ANKRD42: variants seen among roughly 807,000 people sequenced by gnomAD.
ANKRD42 encodes the protein ankyrin repeat domain 42.
In ANKRD42, 43 loss-of-function variants were observed where a neutral mutation model predicts 51.5. The ratio of observed to expected loss-of-function variants is 0.83; its 90% CI spans 0.65 to 1.08. ANKRD42 has a LOEUF of 1.08. Ranked by LOEUF, ANKRD42 falls within the 50% of genes least tolerant of loss-of-function variation. The pLI, the probability that ANKRD42 is intolerant of heterozygous loss-of-function variation, is 0.00. For synonymous variants in ANKRD42, 203 were observed against 213.0 expected, an observed-to-expected ratio of 0.95 and a Z score of 0.41; for missense variants, 608 against 629.3, an observed-to-expected ratio of 0.97 and a Z score of 0.36.
At chr11:83,212,771 G>A (rs1238498080) in intron 5 of ANKRD42, 6 of 1,516,750 alleles carry the variant, frequency 4.0e-6, no homozygotes, top group Non-Finnish European at 5.3e-6. Context: ...CTACTGTCCA[G>A]GATCATTTTG....
chr11:83,255,970 CTCTT>C, exon 12 of ANKRD42: 1 of 1,450,216 alleles, frequency 6.9e-7, no homozygotes, highest in Non-Finnish European at 9.2e-7. Flanking sequence ...CTAGATTTTT[CTCTT>C]TCATTAAAAA....
chr11:83,217,795 C>T (rs968960052), intron 5 of ANKRD42, among the ~76,000 whole-genome samples: 1 of 152,212 alleles, frequency 6.6e-6, no homozygotes, highest in Non-Finnish European at 1.5e-5. Context: ...TCCTTGCAAA[C>T]TGCACTGATA....
chr11:83,211,427 C>A lies in ANKRD42; in HGVS notation c.583C>A (p.Pro195Thr), dbSNP rs371567372. Residue 195 changes from proline to threonine, a missense_variant, in exon 5 of 11, where the codon CCA becomes ACA. Pro to Thr is a conservative substitution (Grantham distance 38). Coordinates refer to ENST00000533342, the MANE Select transcript of ANKRD42 (RefSeq NM_001300975.2). The stretch of plus-strand genomic sequence containing the variant: ...AGATGTGGACTACAATGGAAACCTT[C>A]CAGGTATTTTAAATAAAGCAAATAT... ...IEDVDYNGNL[P>T]VHLAAMEGHL... 8.7e-6 allele frequency: 14 copies of A among 1,613,360 alleles called. No individual in the cohort carries two copies. In the African/African-American group the frequency reaches 1.9e-4, roughly 22 times the overall value.
intron 6 of ANKRD42, among the ~76,000 whole-genome samples, chr11:83,225,478 T>C (rs1478505728): frequency 3.3e-5 from 5 of 151,152 alleles, no homozygotes; most frequent in South Asian, 2.1e-4. Context: ...GGTGGGAGGA[T>C]GGATTGAGCC....
chr11:83,220,494 G>T (rs1862686254), intron 5 of ANKRD42, among the ~76,000 whole-genome samples: 1 of 152,170 alleles, frequency 6.6e-6, no homozygotes. Context: ...CCATGCCAAA[G>T]AATTGGTGTG....
chr11:83,245,051 C>T lies in ANKRD42; in HGVS notation c.1196-447C>T, dbSNP rs186319953. On this transcript the variant is annotated intron_variant, in intron 9 of 10. Coordinates refer to ENST00000533342, the MANE Select transcript of ANKRD42 (RefSeq NM_001300975.2). ...TCATGAGTAGCTGGGATTACAGGCA[C>T]GTGCCACCACACCGGCTAATTTTTG... 1.4e-4 allele frequency among the ~76,000 whole-genome samples: 21 copies of T among 152,164 alleles called. No homozygotes were observed. The East Asian group carries it at 3.1e-3, about 22-fold the overall frequency.
chr11:83,205,996 T>G, intron 2 of ANKRD42, 62 bp from the exon 3 acceptor site: 1 of 1,429,312 alleles, frequency 7.0e-7, no homozygotes, highest in South Asian at 1.2e-5. Context: ...CAGACCAAAT[T>G]TAAAAGATAA....
intron 2 of ANKRD42, among the ~76,000 whole-genome samples, chr11:83,203,314 A>G (rs1217844989): frequency 1.3e-5 from 2 of 152,090 alleles, no homozygotes; most frequent in African/African-American, 4.8e-5. Context: ...TTTAACAAGC[A>G]TAAACAGAAA....
intron 9 of ANKRD42, 89 bp downstream of exon 9, chr11:83,241,023 A>G (rs1266716324): frequency 1.5e-6 from 2 of 1,375,256 alleles, no homozygotes; most frequent in Non-Finnish European, 2.0e-6. Flanking sequence ...CTAAAGACAA[A>G]TACTGCCTAC....
chr11:83,204,123 A>G (rs538589899), intron 2 of ANKRD42, among the ~76,000 whole-genome samples: 1 of 152,182 alleles, frequency 6.6e-6, no homozygotes, highest in East Asian at 1.9e-4. Flanking sequence ...TTGTATTTTT[A>G]GTAGAGACAG....
chr11:83,211,252 A>T (rs1862304106), intron 4 of ANKRD42, 43 bp from the exon 5 acceptor site: 3 of 1,611,176 alleles, frequency 1.9e-6, no homozygotes, highest in African/African-American at 2.7e-5. Flanking sequence ...TATTTCCCCT[A>T]CAAAATGGGG....
intron 6 of ANKRD42, among the ~76,000 whole-genome samples, chr11:83,225,499 A>G (rs1210393698): frequency 6.6e-6 from 1 of 151,932 alleles, no homozygotes; most frequent in African/African-American, 2.4e-5. Context: ...CAGGAAGTCA[A>G]GGCTACAGTG....
chr11:83,213,604 C>A, intron 5 of ANKRD42: 1 of 1,078,898 alleles, frequency 9.3e-7, no homozygotes, highest in African/African-American at 1.7e-5. Flanking sequence ...ATTGCAGTTT[C>A]AAATTTACAT....
At chr11:83,203,013 C>G (rs533251049) in intron 2 of ANKRD42, among the ~76,000 whole-genome samples, 271 of 120,092 alleles carry the variant, frequency 2.3e-3, no homozygotes, top group African/African-American at 8.0e-3. Context: ...TTTTTTCAGA[C>G]AGGGTATCGC....
chr11:83,215,088 G>A (rs1384289197), intron 5 of ANKRD42: 5 of 152,048 alleles, frequency 3.3e-5, no homozygotes, highest in Non-Finnish European at 7.4e-5. Context: ...ATTATATTTC[G>A]TTGTGAATAT....
At chr11:83,262,065 G>T, downstream of ANKRD42, 1 of 754,612 alleles carries the variant, frequency 1.3e-6, no homozygotes, top group Non-Finnish European at 2.1e-6. Flanking sequence ...CAAAAAACAG[G>T]AAATCCAACC....
chr11:83,219,520 G>C (rs7933015), intron 5 of ANKRD42, among the ~76,000 whole-genome samples: 15,955 of 152,208 alleles, frequency 0.1, 1,156 homozygotes, highest in East Asian at 0.29. Context: ...CTCTAGGCCA[G>C]GGCCAAGAGA....
chr11:83,231,522 T>G (rs1298340981), intron 7 of ANKRD42, among the ~76,000 whole-genome samples: 2 of 152,198 alleles, frequency 1.3e-5, no homozygotes, highest in African/African-American at 4.8e-5. Context: ...CTCTTCACTT[T>G]GTTTCCTTTG....
At chr11:83,262,717 T>C (rs1032581983), downstream of ANKRD42, among the ~76,000 whole-genome samples, 1 of 152,218 alleles carries the variant, frequency 6.6e-6, no homozygotes, top group Non-Finnish European at 1.5e-5. Flanking sequence ...TTATTCATAA[T>C]GTATAAACCC....
Sources: allele counts gnomAD v4.1 joint callset (sites outside exome capture counted in the v4.1 genomes callset), GRCh38; gene constraint gnomAD v4.1.1; transcripts MANE v1.5; gene names NCBI Gene and HGNC (gene_info 2026-07-23, HGNC 2026-07-21).